The following RGS9 variants were observed in gnomAD, a reference collection of about 807,000 sequenced individuals.
The protein encoded by RGS9 is regulator of G-protein signalling 9.
RGS9 carries 78 observed loss-of-function variants against 102.0 expected under a neutral mutation model. The ratio of observed to expected loss-of-function variants is 0.76; its 90% CI spans 0.64 to 0.92. The LOEUF is 0.92. Among genes scored for constraint, RGS9 ranks in the 40% least tolerant of loss-of-function variants. The probability of loss-of-function intolerance (pLI) is 0.00; values close to 1 mark genes in which losing one functional copy is unlikely to be tolerated. For synonymous variants in RGS9, 353 were observed against 318.6 expected, an observed-to-expected ratio of 1.11 and a Z score of -1.15; for missense variants, 833 against 866.1, an observed-to-expected ratio of 0.96 and a Z score of 0.48.
At chr17:65,145,733 TCA>T (rs891459708) in intron 1 of RGS9, among the ~76,000 whole-genome samples, 1 of 152,036 alleles carries the variant, frequency 6.6e-6, no homozygotes, top group Non-Finnish European at 1.5e-5. Flanking sequence ...TCAAAAGCAG[TCA>T]CAGTCTGAGG....
Position 65,225,150 on chromosome 17 carries a change from C to T in RGS9, c.1556C>T (p.Thr519Ile), listed in dbSNP as rs1279037647. 6.2e-7 allele frequency: 1 copy of T among 1,613,736 alleles called. No homozygotes were observed. The highest frequency in any genetic ancestry group is 2.2e-5 in the East Asian group (1 of 44,890). The part of the protein sequence containing the change: ...SPSRFIRRPS[T>I]TICPSPIRVA... ...AGCCGCTTCATCCGGCGACCCAGCA[C>T]CACCATCTGCCCCTCACCCATCAGA... The change falls in exon 18 of 19, where the codon ACC becomes ATC. Residue 519 changes from threonine (T) to isoleucine (I), a missense_variant. Physicochemically the swap from Thr to Ile is moderately conservative, Grantham distance 89 (BLOSUM62 -1). This residue lies in a region of RGS9 where 320 missense variants were observed against 276.8 expected (regional missense o/e 1.16). Transcript: ENST00000262406.
At chr17:65,160,963 G>T (rs534432231) in intron 6 of RGS9, 54 bp downstream of exon 6, 2 of 1,440,368 alleles carry the variant, frequency 1.4e-6, no homozygotes, top group African/African-American at 1.4e-5. Context: ...AGATAGTTTT[G>T]AGCTGTACTT....
intron 6 of RGS9, 89 bp from the exon 7 acceptor site, chr17:65,162,924 T>C: frequency 1.4e-6 from 1 of 736,654 alleles, no homozygotes; most frequent in Non-Finnish European, 2.5e-6. Context: ...GAGCCAGGGG[T>C]GTGCCCTTGC....
At chr17:65,175,094 TG>T (rs879398086) in intron 8 of RGS9, among the ~76,000 whole-genome samples, 28 of 151,904 alleles carry the variant, frequency 1.8e-4, no homozygotes, top group Middle Eastern at 3.4e-3. Flanking sequence ...TGTGTGTGTG[TG>T]TGTGTGTGTC....
intron 1 of RGS9, among the ~76,000 whole-genome samples, chr17:65,148,295 A>C (rs1011055746): frequency 1.3e-5 from 2 of 152,254 alleles, no homozygotes; most frequent in African/African-American, 4.8e-5. Flanking sequence ...TGCATAGAAC[A>C]CATTTTCTTT....
intron 15 of RGS9, among the ~76,000 whole-genome samples, chr17:65,205,690 G>A (rs1913033010): frequency 6.6e-6 from 1 of 151,432 alleles, no homozygotes; most frequent in Non-Finnish European, 1.5e-5. Flanking sequence ...TATGATATGA[G>A]TTATATGTTA....
At chr17:65,160,474 G>C in intron 4 of RGS9, 62 bp from the exon 5 acceptor site, 2 of 1,603,568 alleles carry the variant, frequency 1.2e-6, no homozygotes, top group East Asian at 2.2e-5. Flanking sequence ...TTAGTCACAG[G>C]GTTGGGGTCC....
chr17:65,160,537 C>T lies in RGS9; in HGVS notation c.314C>T (p.Thr105Ile). 1.9e-6 allele frequency: 3 copies of T among 1,614,184 alleles called. No homozygotes were observed. Among genetic ancestry groups the T allele is most frequent in the Non-Finnish European group, 2.5e-6 (3 of 1,180,020 alleles). Residue 105 changes from threonine to isoleucine, a missense_variant and splice_region_variant, in exon 5 of 19, where the codon ACA (threonine) becomes ATA (isoleucine). Coordinates refer to ENST00000262406, the MANE Select transcript of RGS9 (RefSeq NM_003835.4). The part of the protein sequence containing the change: ...KPDGSLYRFQ[T>I]PYFWPTQQWP... ...TGGTTTCCCTGGTTTCTTTTGCAGACACCGTATTTCTGGCCCACCCAGCAG... is the reference window on the plus strand; with the variant it reads ...TGGTTTCCCTGGTTTCTTTTGCAGATACCGTATTTCTGGCCCACCCAGCAG...
chr17:65,182,824 G>T lies in RGS9; in HGVS notation c.654+5021G>T, dbSNP rs1911938268. Among the ~76,000 whole-genome samples the T allele has an allele frequency of 2.0e-5, 3 of 152,152 alleles. No homozygotes were observed. In the South Asian group the frequency reaches 6.2e-4, roughly 32 times the overall value. ...GCAGGGGGCTTGTACAGCCGCCCAAGACCCCACCCTCAGAAGGACCCTTGT... is the reference window on the plus strand; with the variant it reads ...GCAGGGGGCTTGTACAGCCGCCCAATACCCCACCCTCAGAAGGACCCTTGT... On this transcript the variant is annotated intron_variant, in intron 9 of 18. Coordinates refer to ENST00000262406, the MANE Select transcript of RGS9 (RefSeq NM_003835.4).
At chr17:65,227,153 C>T in intron 18 of RGS9, 122 bp from the exon 19 acceptor site, 1 of 1,344,786 alleles carries the variant, frequency 7.4e-7, no homozygotes, top group Non-Finnish European at 1.1e-6. Context: ...TACCTGCCCC[C>T]ACCACAGTCT....
intron 14 of RGS9, among the ~76,000 whole-genome samples, chr17:65,202,432 TGTGTGTGTGTGTGAGA>T (rs1370743161): frequency 1.5e-5 from 2 of 135,712 alleles, no homozygotes; most frequent in African/African-American, 2.9e-5. Context: ...TGTGTGTGTG[TGTGTGTGTGTGTGAGA>T]GAGAGAGAGA....
At chr17:65,159,561 T>C (rs1289012704) in intron 3 of RGS9, among the ~76,000 whole-genome samples, 1 of 151,966 alleles carries the variant, frequency 6.6e-6, no homozygotes, top group Admixed American at 6.6e-5. Context: ...GTCCTTGGGC[T>C]GGGGGGTCCT....
chr17:65,215,050 C>G (rs1913436075), intron 17 of RGS9, among the ~76,000 whole-genome samples: 1 of 152,140 alleles, frequency 6.6e-6, no homozygotes, highest in Non-Finnish European at 1.5e-5. Context: ...GGTTTTGTGT[C>G]TCAGGGCTAG....
intron 7 of RGS9, among the ~76,000 whole-genome samples, chr17:65,165,100 C>T (rs1448644588): frequency 1.3e-5 from 2 of 152,174 alleles, no homozygotes; most frequent in African/African-American, 4.8e-5. Flanking sequence ...GCCCCTCTCC[C>T]TCAACCCCTC....
chr17:65,219,941 A>G (rs1165039310), intron 17 of RGS9, among the ~76,000 whole-genome samples: 1 of 151,796 alleles, frequency 6.6e-6, no homozygotes, highest in Non-Finnish European at 1.5e-5. Flanking sequence ...TATTATCATC[A>G]CCGCCATCCT....
chr17:65,144,722 T>A (rs1391977848), intron 1 of RGS9, among the ~76,000 whole-genome samples: 1 of 152,136 alleles, frequency 6.6e-6, no homozygotes, highest in Non-Finnish European at 1.5e-5. Flanking sequence ...GGCATCTCAC[T>A]CCCTGGAGAA....
rs1055750075 is a variant in RGS9, at chr17:65,225,469, A to G, written c.1875A>G (p.Lys625=). 5.6e-6 allele frequency: 9 copies of G among 1,603,598 alleles called. No homozygotes were observed. The East Asian group carries it at 2.0e-4, about 36-fold the overall frequency. Residue 625 remains lysine (K), a synonymous_variant, in exon 18 of 19, where the codon AAA becomes AAG. Coordinates refer to ENST00000262406, the MANE Select transcript of RGS9 (RefSeq NM_003835.4). Reference sequence around the variant, plus strand: ...TGGGCCAGCAGCTGCCACGATTGAAATCCAAGAGAGTAGCAAAGTAAGAAC... The same window carrying G: ...TGGGCCAGCAGCTGCCACGATTGAAGTCCAAGAGAGTAGCAAAGTAAGAAC... ...GDVGQQLPRL[K]SKRVANFFQI...
chr17:65,138,976 C>CGGTATCCCCTCCTACATCCT (rs745512381), intron 1 of RGS9, among the ~76,000 whole-genome samples: 17 of 87,970 alleles, frequency 1.9e-4, no homozygotes, highest in African/African-American at 5.8e-4. Context: ...TCCTCCACCC[C>CGGTATCCCCTCCTACATCCT]AGCATCCCCT....
Position 65,207,885 on chromosome 17 carries a change from T to C in RGS9, c.1204-37T>C, listed in dbSNP as rs756378278. 8.8e-6 allele frequency: 13 copies of C among 1,484,194 alleles called. No individual in the cohort carries two copies. The Admixed American group carries it at 2.2e-4, about 25-fold the overall frequency. 91.9% of individuals were successfully genotyped at this position (1,484,194 alleles called of 1,614,324 possible). A position where few individuals can be genotyped will look rare whatever the true frequency, so the allele number is the denominator to read the frequency against. On this transcript the variant is annotated intron_variant, in intron 15 of 18. Coordinates refer to ENST00000262406, the MANE Select transcript of RGS9 (RefSeq NM_003835.4). ...TATTGGTTTGATTTGACTGCTTTTT[T>C]CTCTCATAATTACTGTTGTTTTCTT...
Sources: gnomAD v4.1 joint callset for allele counts (sites outside exome capture counted in the v4.1 genomes callset) on GRCh38, gnomAD v4.1.1 for gene constraint, gnomAD v4.1.1 regional missense constraint, MANE v1.5 for transcripts, NCBI Gene and HGNC (gene_info 2026-07-23, HGNC 2026-07-21) for gene names.